Variants in CNTN1 observed in about 807,000 individuals in gnomAD.
The protein encoded by CNTN1 is contactin 1.
Under a neutral mutation model 126.4 loss-of-function variants are expected in CNTN1, and 38 were observed. That is an observed-to-expected ratio of 0.30 (90% CI 0.23 to 0.39). CNTN1 has a LOEUF of 0.39. Among genes scored for constraint, CNTN1 ranks in the 10% least tolerant of loss-of-function variants. The pLI is 1.00. For missense variants in CNTN1, 1,009 were observed against 1,248.4 expected (o/e 0.81, Z 2.89); for synonymous variants, 413 against 422.6 (o/e 0.98, Z 0.28).
chr12:40,719,739 A>G (rs1269499107), intron 1 of CNTN1, among the ~76,000 whole-genome samples: 6 of 152,364 alleles, frequency 3.9e-5, no homozygotes, highest in Non-Finnish European at 4.4e-5. Context: ...GCAAATATTT[A>G]TTATTTACCA....
intron 20 of CNTN1, among the ~76,000 whole-genome samples, chr12:41,024,392 A>G (rs891660143): frequency 2.0e-5 from 3 of 152,080 alleles, no homozygotes; most frequent in African/African-American, 4.8e-5. Flanking sequence ...AGATATAATT[A>G]TAAATCTTGA....
Position 40,924,563 on chromosome 12 carries a change from A to G in CNTN1, c.407A>G (p.Asp136Gly). The change falls in exon 6 of 24, where the codon GAT becomes GGT. Residue 136 changes from aspartate to glycine, a missense_variant. Coordinates refer to ENST00000551295, the MANE Select transcript of CNTN1 (RefSeq NM_001843.4). ...TEATLSFGYL[D>G]PFPPEERPEV... ...TTTTTTCTTTCGTAATTAGATCTTG[A>G]TCCTTTCCCACCTGAGGAACGTCCT... 6.4e-7 allele frequency: 1 copy of G among 1,566,754 alleles called. No individual in the cohort carries two copies. The highest frequency in any genetic ancestry group is 8.8e-7 in the Non-Finnish European group (1 of 1,138,024).
chr12:40,929,353 C>CAA (rs746133164), intron 6 of CNTN1, among the ~76,000 whole-genome samples: 1 of 134,960 alleles, frequency 7.4e-6, no homozygotes, highest in Non-Finnish European at 1.7e-5. Context: ...CACACACACA[C>CAA]AAAAAAAAAA....
At chr12:40,734,193 C>T (rs1001023770) in intron 1 of CNTN1, among the ~76,000 whole-genome samples, 1 of 151,984 alleles carries the variant, frequency 6.6e-6, no homozygotes, top group Non-Finnish European at 1.5e-5. Flanking sequence ...AATTGGAGTC[C>T]ACTAAAAGGC....
intron 23 of CNTN1, among the ~76,000 whole-genome samples, chr12:41,052,337 T>A (rs986002797): frequency 6.6e-6 from 1 of 152,182 alleles, no homozygotes; most frequent in Non-Finnish European, 1.5e-5. Flanking sequence ...CAGAGCCAAA[T>A]CTGCTACATG....
At chr12:40,801,672 G>A (rs1262466229) in intron 1 of CNTN1, among the ~76,000 whole-genome samples, 1 of 151,738 alleles carries the variant, frequency 6.6e-6, no homozygotes, top group African/African-American at 2.4e-5. Context: ...GAAGGAGGGG[G>A]AAAGAGAACA....
chr12:40,995,472 A>G (rs559338714), intron 17 of CNTN1, among the ~76,000 whole-genome samples: 2 of 150,754 alleles, frequency 1.3e-5, no homozygotes, highest in Admixed American at 6.8e-5. Context: ...TTCCTTAGTG[A>G]TATAGGGGAG....
intron 1 of CNTN1, among the ~76,000 whole-genome samples, chr12:40,853,186 A>C (rs939267180): frequency 6.6e-6 from 1 of 152,106 alleles, no homozygotes; most frequent in Non-Finnish European, 1.5e-5. Flanking sequence ...ATATGACAGG[A>C]CCTGAGCAGA....
intron 23 of CNTN1, among the ~76,000 whole-genome samples, chr12:41,063,861 T>C (rs1420934929): frequency 6.6e-6 from 1 of 152,202 alleles, no homozygotes; most frequent in Non-Finnish European, 1.5e-5. Context: ...CATATCTCTC[T>C]TGAGAGAAGT....
chr12:40,979,077 A>C (rs1161660566), intron 15 of CNTN1: 1 of 152,164 alleles, frequency 6.6e-6, no homozygotes, highest in Non-Finnish European at 1.5e-5. Context: ...ACATATGAAA[A>C]ATGCAATATG....
chr12:40,897,253 ATATATGT>A, intron 1 of CNTN1, among the ~76,000 whole-genome samples: 1 of 152,240 alleles, frequency 6.6e-6, no homozygotes, highest in South Asian at 2.1e-4. Context: ...AGAGATTTGG[ATATATGT>A]TCTTTACAAT....
chr12:40,934,574 A>G (rs1272799408), intron 9 of CNTN1, among the ~76,000 whole-genome samples: 1 of 151,960 alleles, frequency 6.6e-6, no homozygotes, highest in African/African-American at 2.4e-5. Flanking sequence ...ATGTTCCACA[A>G]CATGAACTTT....
At chr12:40,859,598 G>A (rs953066370) in intron 1 of CNTN1, among the ~76,000 whole-genome samples, 2 of 151,564 alleles carry the variant, frequency 1.3e-5, no homozygotes. Flanking sequence ...TTTCACTTTT[G>A]TGTAACCTAA....
intron 23 of CNTN1, among the ~76,000 whole-genome samples, chr12:41,041,584 A>T (rs1000426894): frequency 8.5e-5 from 13 of 152,124 alleles, no homozygotes; most frequent in African/African-American, 3.1e-4. Context: ...TTATTGCCAC[A>T]ATTTCAGAGC....
At chr12:40,866,179 G>T (rs1943289835) in intron 1 of CNTN1, among the ~76,000 whole-genome samples, 1 of 151,946 alleles carries the variant, frequency 6.6e-6, no homozygotes, top group South Asian at 2.1e-4. Context: ...CTGAAACCTT[G>T]CTGAATTCAT....
chr12:40,797,717 G>A (rs996686915), intron 1 of CNTN1, among the ~76,000 whole-genome samples: 2 of 151,978 alleles, frequency 1.3e-5, no homozygotes, highest in Non-Finnish European at 2.9e-5. Context: ...TCAAGCAAGG[G>A]AAAATGATGG....
intron 7 of CNTN1, among the ~76,000 whole-genome samples, chr12:40,932,669 C>T (rs144987654): frequency 4.6e-5 from 7 of 151,880 alleles, no homozygotes; most frequent in African/African-American, 1.7e-4. Context: ...TAAACTGGTC[C>T]AATTTAAATG....
At chr12:40,974,928 T>C (rs1208010908) in intron 15 of CNTN1, among the ~76,000 whole-genome samples, 2 of 152,046 alleles carry the variant, frequency 1.3e-5, no homozygotes, top group East Asian at 3.9e-4. Context: ...AAATTTTATA[T>C]TGTTAGCAGT....
intron 17 of CNTN1, among the ~76,000 whole-genome samples, chr12:41,006,537 A>T (rs1948497956): frequency 6.6e-6 from 1 of 152,226 alleles, no homozygotes. Context: ...ATAGTTCTGC[A>T]TATAGTTTTA....
Sources: allele counts gnomAD v4.1 joint callset (sites outside exome capture counted in the v4.1 genomes callset), GRCh38; gene constraint gnomAD v4.1.1; transcripts MANE v1.5; gene names NCBI Gene and HGNC (gene_info 2026-07-23, HGNC 2026-07-21).